Variants in GATA6 observed in about 807,000 individuals in gnomAD.
The protein encoded by GATA6 is GATA binding protein 6, also known as transcription factor GATA-6.
A neutral mutation model predicts 48.1 loss-of-function variants in GATA6; 11 were observed. The ratio of observed to expected loss-of-function variants is 0.23; its 90% CI spans 0.14 to 0.38. GATA6 has a LOEUF of 0.38. GATA6 is among the 10% of genes least tolerant of loss of function. The pLI is 1.00. For synonymous variants in GATA6, 419 were observed against 396.1 expected, an observed-to-expected ratio of 1.06 and a Z score of -0.69; for missense variants, 795 against 850.3, an observed-to-expected ratio of 0.93 and a Z score of 0.81.
chr18:22,196,953 A>T (rs2033397795), intron 6 of GATA6, among the ~76,000 whole-genome samples: 1 of 152,150 alleles, frequency 6.6e-6, no homozygotes, highest in Non-Finnish European at 1.5e-5. Flanking sequence ...TAGAATGAGG[A>T]GAATAAATTA....
In GATA6 at chr18:22,185,333, G is replaced by C. The variant is rs2033250625; in HGVS notation, c.1620+2290G>C. On this transcript the variant is annotated intron_variant, in intron 6 of 6. Transcript: ENST00000269216. The surrounding 1 kb of genome is among the most constrained non-coding windows in gnomAD (Gnocchi z 4.3). ...AAGCAACAAGGATGTTAAGGATGGG[G>C]TTGGAGAGTACTAGTTTCACACCAG... Among the ~76,000 whole-genome samples the C allele has an allele frequency of 6.6e-6, 1 of 152,248 alleles. No individual in the cohort carries two copies. Among genetic ancestry groups the C allele is most frequent in the Non-Finnish European group, 1.5e-5 (1 of 68,042 alleles).
rs2033471538 is a variant in GATA6 at position 22,202,181 on chromosome 18, T to A, written c.*1358T>A. 1 of 152,144 alleles carries A rather than the reference T, an allele frequency of 6.6e-6. No individual in the cohort carries two copies. Among genetic ancestry groups the A allele is most frequent in the Non-Finnish European group, 1.5e-5 (1 of 68,036 alleles). 9.4% of individuals were successfully genotyped at this position (152,144 alleles called of 1,614,324 possible). Reference sequence around the variant, plus strand: ...ACATGGGGTTAGTTACTACTCTCCATGTGCATTGGGGACAGTTTTTATAAG... The same window carrying A: ...ACATGGGGTTAGTTACTACTCTCCAAGTGCATTGGGGACAGTTTTTATAAG... On this transcript the variant is annotated 3_prime_UTR_variant, in exon 7 of 7. Transcript: ENST00000269216.
intron 2 of GATA6, among the ~76,000 whole-genome samples, chr18:22,176,322 C>G (rs116347090): frequency 0.016 from 2,505 of 152,192 alleles, 67 homozygotes; most frequent in East Asian, 0.045. Flanking sequence ...GCATTTTTCC[C>G]CTGAAAAGAT....
intron 2 of GATA6, among the ~76,000 whole-genome samples, chr18:22,175,868 T>G (rs1334995843): frequency 1.3e-5 from 2 of 152,208 alleles, no homozygotes; most frequent in East Asian, 3.8e-4. Context: ...GCTTCTTCAA[T>G]AATGCAGAAC....
Position 22,171,204 on chromosome 18 carries a change from C to A in GATA6, c.60C>A (p.Asp20Glu). 3 of 1,599,772 alleles carry A rather than the reference C, an allele frequency of 1.9e-6. No homozygotes were observed. Among genetic ancestry groups the A allele is most frequent in the Non-Finnish European group, 2.5e-6 (3 of 1,179,520 alleles). ...AGCGCTTCGGGGCCGCGGGTGCGGA[C>A]GCCAGCGACTCCAGAGCCTTTCCAG... is the stretch of plus-strand genomic sequence containing the variant. ...LPKRFGAAGA[D>E]ASDSRAFPAR... The change falls in exon 2 of 7, where the codon GAC (aspartate) becomes GAA (glutamate). Residue 20 changes from aspartate (D) to glutamate (E), a missense_variant. This residue lies in a region of GATA6 where 591 missense variants were observed against 570.0 expected (regional missense o/e 1.04). Transcript: ENST00000269216. The surrounding 1 kb of genome is among the most constrained non-coding windows in gnomAD (Gnocchi z 7.1).
chr18:22,189,642 G>C (rs1243228215), intron 6 of GATA6, among the ~76,000 whole-genome samples: 3 of 152,206 alleles, frequency 2.0e-5, no homozygotes, highest in African/African-American at 7.2e-5. Flanking sequence ...GCCTGCTGGG[G>C]CTGGAGCAGA....
chr18:22,172,155 C>T lies in GATA6; in HGVS notation c.1011C>T (p.Tyr337=). 6.6e-7 allele frequency: 1 copy of T among 1,520,548 alleles called. No homozygotes were observed. 94.2% of individuals were successfully genotyped at this position (1,520,548 alleles called of 1,614,324 possible). Residue 337 remains tyrosine (Y), a synonymous_variant, in exon 2 of 7, where the codon TAC becomes TAT. Coordinates refer to ENST00000269216, the MANE Select transcript of GATA6 (RefSeq NM_005257.6). This position sits in a 1 kb window ranked among gnomAD's most constrained non-coding sequence, Gnocchi z 5.2. ...HHHHHHHPSP[Y]SPYVGAPLTP... ...ACCACCACCACCATCCGAGCCCCTACTCGCCCTACGTGGGGGCGCCACTGA... is the reference window on the plus strand; with the variant it reads ...ACCACCACCACCATCCGAGCCCCTATTCGCCCTACGTGGGGGCGCCACTGA...
chr18:22,181,821 G>T (rs2033199965), intron 4 of GATA6, among the ~76,000 whole-genome samples: 1 of 152,142 alleles, frequency 6.6e-6, no homozygotes, highest in African/African-American at 2.4e-5. Flanking sequence ...AATGCTACCA[G>T]TTGAACTATT....
At chr18:22,177,753 T>C (rs1306219836) in intron 3 of GATA6, among the ~76,000 whole-genome samples, 1 of 152,146 alleles carries the variant, frequency 6.6e-6, no homozygotes, top group Non-Finnish European at 1.5e-5. Flanking sequence ...TCCACCTTCT[T>C]GGTCACTTCT....
At chr18:22,200,537 A>T in intron 6 of GATA6, 119 bp from the exon 7 acceptor site, 1 of 1,288,658 alleles carries the variant, frequency 7.8e-7, no homozygotes, top group Non-Finnish European at 1.1e-6. Flanking sequence ...GGGTCTGCCC[A>T]GGAGCAGCTC....
rs116465929 is a variant in GATA6 at position 22,190,942 on chromosome 18, G to A, written c.1620+7899G>A. Among the ~76,000 whole-genome samples the A allele has an allele frequency of 1.9e-3, 284 of 151,724 alleles. 1 individual carries two copies. The highest frequency in any genetic ancestry group is 6.6e-3 in the African/African-American group (273 of 41,348). Reference sequence around the variant, plus strand: ...TTGCGTGAAAGTCACACGTCACCCCGGCAGGGAATGTTCAAGCATGCGGAT... The same window carrying A: ...TTGCGTGAAAGTCACACGTCACCCCAGCAGGGAATGTTCAAGCATGCGGAT... On this transcript the variant is annotated intron_variant, in intron 6 of 6. Transcript: ENST00000269216.
At position 22,171,540 on chromosome 18, in the gene GATA6, C is replaced by A. The variant is rs1274185396; in HGVS notation, c.396C>A (p.Arg132=). 6.9e-6 allele frequency: 11 copies of A among 1,603,994 alleles called. No homozygotes were observed. Among genetic ancestry groups the A allele is most frequent in the Non-Finnish European group, 9.3e-6 (11 of 1,179,648 alleles). ...CCAGCAAGCTGCTGTGGTCCAGCCG[C>A]GGCGCCAAGCTGAGCCCCTTCGCAC... ...ATASKLLWSS[R]GAKLSPFAPE... is the part of the protein sequence containing the mutation. Residue 132 remains arginine, a synonymous_variant, in exon 2 of 7, where the codon CGC becomes CGA. Coordinates refer to ENST00000269216, the MANE Select transcript of GATA6 (RefSeq NM_005257.6). The surrounding 1 kb of genome is among the most constrained non-coding windows in gnomAD (Gnocchi z 7.1).
chr18:22,197,678 C>T (rs1442854797), intron 6 of GATA6, among the ~76,000 whole-genome samples: 7 of 152,148 alleles, frequency 4.6e-5, no homozygotes, highest in East Asian at 1.9e-4. Flanking sequence ...ATTTAATTGT[C>T]GCAACCATCC....
chr18:22,179,311 C>T (rs45493900), intron 3 of GATA6, among the ~76,000 whole-genome samples: 2,493 of 152,256 alleles, frequency 0.016, 31 homozygotes, highest in East Asian at 0.045. Context: ...ACTATAGAAC[C>T]AATCACTGTG....
intron 6 of GATA6, among the ~76,000 whole-genome samples, chr18:22,184,535 G>A (rs1464150115): frequency 6.6e-6 from 1 of 151,582 alleles, no homozygotes. Context: ...TGCTGTCACC[G>A]AGGCTGGAGT....
intron 6 of GATA6, among the ~76,000 whole-genome samples, chr18:22,193,780 T>C (rs2143328490): frequency 6.6e-6 from 1 of 152,292 alleles, no homozygotes; most frequent in African/African-American, 2.4e-5. Flanking sequence ...AGATAGAGCA[T>C]GCCCCGTACA....
chr18:22,172,250 C>T lies in GATA6; in HGVS notation c.1106C>T (p.Pro369Leu). The T allele has an allele frequency of 3.9e-6, 6 of 1,533,664 alleles. No homozygotes were observed. The highest frequency in any genetic ancestry group is 5.2e-6 in the Non-Finnish European group (6 of 1,146,174). Residue 369 changes from proline to leucine, a missense_variant, in exon 2 of 7, where the codon CCG (proline) becomes CTG (leucine). Physicochemically the swap from Pro to Leu is moderately conservative, Grantham distance 98. Coordinates refer to ENST00000269216, the MANE Select transcript of GATA6 (RefSeq NM_005257.6). This position sits in a 1 kb window ranked among gnomAD's most constrained non-coding sequence, Gnocchi z 5.2. ...LHSLQSRAGA[P>L]LPVPRGPSAD... ...AGCCTGCAGAGCCGCGCCGGAGCCC[C>T]GCTCCCGGTGCCCCGGGGTCCCAGT...
chr18:22,185,565 G>T lies in GATA6; in HGVS notation c.1620+2522G>T, dbSNP rs974554547. The stretch of plus-strand genomic sequence containing the variant: ...GCCTACCAACCTCCCCAGTTCCCCA[G>T]GGACTGACTCTTGGCCTTGTTCCGA... On this transcript the variant is annotated intron_variant, in intron 6 of 6. Coordinates refer to ENST00000269216, the MANE Select transcript of GATA6 (RefSeq NM_005257.6). The surrounding 1 kb of genome is among the most constrained non-coding windows in gnomAD (Gnocchi z 4.3). 6.6e-6 allele frequency among the ~76,000 whole-genome samples: 1 copy of T among 152,370 alleles called. No individual in the cohort carries two copies. The highest frequency in any genetic ancestry group is 2.1e-4 in the South Asian group (1 of 4,832).
rs924843423 is a variant in GATA6 at position 22,171,316 on chromosome 18, A to G, written c.172A>G (p.Ser58Gly). 8.8e-6 allele frequency: 14 copies of G among 1,588,594 alleles called. No individual in the cohort carries two copies. Among genetic ancestry groups the G allele is most frequent in the Non-Finnish European group, 1.1e-5 (13 of 1,174,240 alleles). The change falls in exon 2 of 7, where the codon AGC becomes GGC. Residue 58 changes from serine to glycine, a missense_variant. Ser to Gly is a moderately conservative substitution (Grantham distance 56, BLOSUM62 0). Around this residue, in one of 5 missense-constraint regions of GATA6, gnomAD observed 591 missense variants for 570.0 expected, o/e 1.04. Coordinates refer to ENST00000269216, the MANE Select transcript of GATA6 (RefSeq NM_005257.6). This position sits in a 1 kb window ranked among gnomAD's most constrained non-coding sequence, Gnocchi z 7.1. ...CGGAGAGCGGGGCCCCGGCGGCGCC[A>G]GCAACTGCGGGACGCCTCAGCTCGA... The part of the protein sequence containing the change: ...RGGERGPGGA[S>G]NCGTPQLDTE...
Sources: allele counts gnomAD v4.1 joint callset (sites outside exome capture counted in the v4.1 genomes callset), GRCh38; gene constraint gnomAD v4.1.1; regional missense constraint gnomAD v4.1.1; non-coding constraint Gnocchi (gnomAD v3.1); transcripts MANE v1.5; gene names NCBI Gene and HGNC (gene_info 2026-07-23, HGNC 2026-07-21).